Variants in CCNB3 observed in about 807,000 individuals in gnomAD.
CCNB3 encodes G2/mitotic-specific cyclin-B3.
CCNB3 carries 12 observed loss-of-function variants against 68.0 expected under a neutral mutation model. The ratio of observed to expected loss-of-function variants is 0.18; its 90% CI spans 0.11 to 0.29. The LOEUF is 0.29. CCNB3 is among the 10% of genes least tolerant of loss of function. The pLI is 1.00. For missense variants in CCNB3, 904 were observed against 993.1 expected (o/e 0.91, Z 1.21); for synonymous variants, 354 against 388.9 (o/e 0.91, Z 1.06).
intron 11 of CCNB3, among the ~76,000 whole-genome samples, chrX:50,348,137 G>A (rs1244037215): frequency 9.0e-6 from 1 of 110,681 alleles, no homozygotes; most frequent in Non-Finnish European, 1.9e-5. Flanking sequence ...AGCAAGACTG[G>A]CCCCTGAGGC....
chrX:50,228,843 ATAGAATATATATC>A (rs1935996567), intron 1 of CCNB3, among the ~76,000 whole-genome samples: 1 of 67,607 alleles, frequency 1.5e-5, no homozygotes, highest in East Asian at 4.2e-4. Context: ...GAATACATAT[ATAGAATATATATC>A]TAGAATATAT....
intron 6 of CCNB3, 74 bp downstream of exon 6, chrX:50,311,570 GTT>G (rs372148761): frequency 3.8e-4 from 228 of 597,092 alleles, no homozygotes; most frequent in East Asian, 6.6e-4. Context: ...TAGCAAAGTT[GTT>G]TTTTTTTTTT....
At position 50,351,807 on chromosome X, in the gene CCNB3, C is replaced by A; in HGVS notation, c.*104C>A. ...TTCATTTTTCCTTTCTTTGTCTTTT[C>A]CCAAACTGATAATGTTATAAATATT... On this transcript the variant is annotated 3_prime_UTR_variant, in exon 13 of 13. Transcript: ENST00000376042. 1.9e-6 allele frequency: 1 copy of A among 533,137 alleles called. No individual in the cohort carries two copies. The highest frequency in any genetic ancestry group is 2.9e-6 in the Non-Finnish European group (1 of 340,617). 43.9% of individuals were successfully genotyped at this position (533,137 alleles called of 1,213,427 possible).
intron 1 of CCNB3, among the ~76,000 whole-genome samples, chrX:50,218,728 G>A (rs1016863089): frequency 2.7e-5 from 3 of 112,044 alleles, no homozygotes; most frequent in Non-Finnish European, 5.6e-5. Context: ...TGTGAATAGT[G>A]CTGCAATAAA....
intron 1 of CCNB3, among the ~76,000 whole-genome samples, chrX:50,212,797 G>C (rs1256110268): frequency 2.7e-5 from 3 of 111,372 alleles, no homozygotes. Flanking sequence ...TTTGTGACTG[G>C]CTTCTCAACA....
intron 9 of CCNB3, 96 bp downstream of exon 9, chrX:50,342,435 C>T: frequency 1.1e-6 from 1 of 900,080 alleles, no homozygotes; most frequent in Non-Finnish European, 1.5e-6. Context: ...TTATGTGCTG[C>T]ATAACAATGT....
At position 50,310,494 on chromosome X, in the gene CCNB3, G is replaced by C. The variant is rs1433955102; in HGVS notation, c.2325G>C (p.Glu775Asp). ...CTTTGAATGAGACCATCAATGAAGAGGAGTTCCTTAATAAGCAGCCACTGG... is the reference window on the plus strand; with the variant it reads ...CTTTGAATGAGACCATCAATGAAGACGAGTTCCTTAATAAGCAGCCACTGG... Reference protein sequence around the residue: ...QLALNETINEEEFLNKQPLAL... With the variant: ...QLALNETINEDEFLNKQPLAL... The change falls in exon 6 of 13, where the codon GAG (glutamate) becomes GAC (aspartate). Residue 775 changes from glutamate to aspartate, a missense_variant. By Grantham distance (45) the Glu-to-Asp change is conservative. Coordinates refer to ENST00000376042, the MANE Select transcript of CCNB3 (RefSeq NM_033031.3). 2 of 1,208,585 alleles carry C rather than the reference G, an allele frequency of 1.7e-6. No individual in the cohort carries two copies. Among genetic ancestry groups the C allele is most frequent in the African/African-American group, 3.5e-5 (2 of 57,429 alleles).
chrX:50,227,880 G>T (rs1344052582), intron 1 of CCNB3, among the ~76,000 whole-genome samples: 2,552 of 76,189 alleles, frequency 0.033, 92 homozygotes, highest in African/African-American at 0.14. Context: ...TAAATATATA[G>T]AGAGAAAATA....
rs1317626166 is a variant in CCNB3, at chrX:50,279,269, AAT to A, written c.-112-5267_-112-5266del. ...ATATACTATATATAAATATATAGAG[AAT>A]ATATACATATTCATATATAAATATA... On this transcript the variant is annotated intron_variant, in intron 1 of 12. Transcript: ENST00000376042. 2.4e-3 allele frequency among the ~76,000 whole-genome samples: 173 copies of A among 71,987 alleles called. 2 individuals are homozygous for A. The highest frequency in any genetic ancestry group is 6.0e-3 in the South Asian group (7 of 1,175). 62.5% of individuals were successfully genotyped at this position (71,987 alleles called of 115,157 possible).
chrX:50,218,268 T>A (rs1335932544), intron 1 of CCNB3, among the ~76,000 whole-genome samples: 1 of 111,878 alleles, frequency 8.9e-6, no homozygotes, highest in East Asian at 2.8e-4. Flanking sequence ...TCTATTTTAT[T>A]GATCATAGAG....
intron 8 of CCNB3, among the ~76,000 whole-genome samples, chrX:50,315,349 C>T (rs1466746972): frequency 1.8e-5 from 2 of 111,847 alleles, no homozygotes; most frequent in African/African-American, 3.2e-5. Flanking sequence ...TTTTATAACT[C>T]TTTGGTTTTT....
intron 8 of CCNB3, among the ~76,000 whole-genome samples, chrX:50,314,827 C>T (rs1602228894): frequency 9.0e-6 from 1 of 111,017 alleles, no homozygotes; most frequent in South Asian, 3.9e-4. Flanking sequence ...AAAGAAATTT[C>T]TAGTGACTGC....
At chrX:50,223,538 C>T (rs1935706271) in intron 1 of CCNB3, among the ~76,000 whole-genome samples, 1 of 111,422 alleles carries the variant, frequency 9.0e-6, no homozygotes, top group African/African-American at 3.3e-5. Flanking sequence ...TGCAGGTCTG[C>T]TGGAGTTTGC....
intron 8 of CCNB3, among the ~76,000 whole-genome samples, chrX:50,328,396 G>A (rs1283403465): frequency 3.6e-5 from 4 of 112,027 alleles, no homozygotes; most frequent in Non-Finnish European, 7.5e-5. Context: ...CATTGCAGAA[G>A]GTGAAGCAGG....
intron 1 of CCNB3, among the ~76,000 whole-genome samples, chrX:50,280,186 T>A (rs1357574974): frequency 1.1e-5 from 1 of 90,983 alleles, no homozygotes; most frequent in Admixed American, 1.4e-4. Context: ...TATATATAAA[T>A]ATATATAGAA....
intron 1 of CCNB3, among the ~76,000 whole-genome samples, chrX:50,208,544 A>G (rs1330681997): frequency 5.4e-5 from 6 of 112,080 alleles, no homozygotes; most frequent in Non-Finnish European, 1.1e-4. Flanking sequence ...GTTGGATTAC[A>G]TGGGTTGATT....
Position 50,308,570 on chromosome X carries a change from C to G in CCNB3, c.401C>G (p.Pro134Arg). Residue 134 changes from proline (P) to arginine (R), a missense_variant, in exon 6 of 13, where the codon CCA becomes CGA. Around this residue, in one of 2 missense-constraint regions of CCNB3, gnomAD observed 619 missense variants for 609.8 expected, o/e 1.02. Coordinates refer to ENST00000376042, the MANE Select transcript of CCNB3 (RefSeq NM_033031.3). ...GTGGTACCAAACATTATGGAGAAACCACTCATTCTAGACATATCCACCACC... is the reference window on the plus strand; with the variant it reads ...GTGGTACCAAACATTATGGAGAAACGACTCATTCTAGACATATCCACCACC... ...TTVVPNIMEK[P>R]LILDISTTSK... The G allele has an allele frequency of 8.3e-7, 1 of 1,209,611 alleles. No homozygotes were observed. The highest frequency in any genetic ancestry group is 1.1e-6 in the Non-Finnish European group (1 of 893,925).
intron 5 of CCNB3, among the ~76,000 whole-genome samples, chrX:50,301,206 C>A (rs781826914): frequency 9.0e-6 from 1 of 110,676 alleles, no homozygotes; most frequent in Non-Finnish European, 1.9e-5. Context: ...GGAGGAGAGG[C>A]GCTCTGATTT....
chrX:50,346,826 A>G lies in CCNB3; in HGVS notation c.3810+19A>G. 8.3e-7 allele frequency: 1 copy of G among 1,199,146 alleles called. No individual in the cohort carries two copies. The highest frequency in any genetic ancestry group is 2.3e-4 in the Middle Eastern group (1 of 4,313). On this transcript the variant is annotated intron_variant, in intron 10 of 12. Coordinates refer to ENST00000376042, the MANE Select transcript of CCNB3 (RefSeq NM_033031.3). ...TGCTAGGGTAAGAGAGAAGAGACACATCTTCATTCTCCCACTGCTGAGTTA... is the reference window on the plus strand; with the variant it reads ...TGCTAGGGTAAGAGAGAAGAGACACGTCTTCATTCTCCCACTGCTGAGTTA...
Sources: allele counts gnomAD v4.1 joint callset (sites outside exome capture counted in the v4.1 genomes callset), GRCh38; gene constraint gnomAD v4.1.1; regional missense constraint gnomAD v4.1.1; transcripts MANE v1.5; gene names NCBI Gene and HGNC (gene_info 2026-07-23, HGNC 2026-07-21).